PTPRS: variants seen among roughly 807,000 people sequenced by gnomAD.
PTPRS encodes protein tyrosine phosphatase receptor type S.
Under a neutral mutation model 215.3 loss-of-function variants are expected in PTPRS, and 63 were observed. The observed-to-expected ratio is 0.29, with a 90% CI of 0.24 to 0.36. The LOEUF is 0.36. Ranked by LOEUF, PTPRS falls within the 10% of genes least tolerant of loss-of-function variation. PTPRS has a pLI of 1.00. For synonymous variants in PTPRS, 1,404 were observed against 1,191.4 expected, an observed-to-expected ratio of 1.18 and a Z score of -3.68; for missense variants, 2,258 against 2,825.8, an observed-to-expected ratio of 0.80 and a Z score of 4.56.
At position 5,244,223 on chromosome 19, in the gene PTPRS, G is replaced by A. The variant is rs745862267; in HGVS notation, c.1248C>T (p.Ser416=). 6.2e-6 allele frequency: 10 copies of A among 1,610,480 alleles called. No individual in the cohort carries two copies. The highest frequency in any genetic ancestry group is 5.0e-5 in the Admixed American group (3 of 59,852). The part of the protein sequence containing the change: ...NSIGQGPPSE[S]VVTRTGEQAP... ...CCTGCTCGCCTGTGCGGGTGACCAC[G>A]GACTCGCTGGGGGGCCCCTGGCCGA... Residue 416 remains serine, a synonymous_variant, in exon 11 of 38, where the codon TCC becomes TCT. Transcript: ENST00000262963. This position sits in a 1 kb window ranked among gnomAD's most constrained non-coding sequence, Gnocchi z 7.2.
At chr19:5,309,166 G>T (rs1386215515) in intron 1 of PTPRS, among the ~76,000 whole-genome samples, 1 of 151,740 alleles carries the variant, frequency 6.6e-6, no homozygotes, top group Non-Finnish European at 1.5e-5. Flanking sequence ...GGGGGGGTTG[G>T]CTGGCTCTGG....
At chr19:5,302,552 C>T (rs1319627675) in intron 1 of PTPRS, among the ~76,000 whole-genome samples, 2 of 152,258 alleles carry the variant, frequency 1.3e-5, no homozygotes, top group Admixed American at 6.5e-5. Flanking sequence ...GATACTGTTG[C>T]GAACACCAGC....
rs182506114 is a variant in PTPRS at position 5,242,596 on chromosome 19, C to G, written c.1570+1305G>C. Among the ~76,000 whole-genome samples the G allele has an allele frequency of 3.7e-3, 552 of 148,816 alleles. 2 individuals are homozygous for G. Among genetic ancestry groups the G allele is most frequent in the Non-Finnish European group, 5.9e-3 (397 of 67,320 alleles). On this transcript the variant is annotated intron_variant, in intron 11 of 37. Coordinates refer to ENST00000262963, the MANE Select transcript of PTPRS (RefSeq NM_002850.4). ...GTTTTGTCATGTTGGCCAGGCTGTT[C>G]TCAAACTCCTGACCTCAGGTGATCC...
intron 1 of PTPRS, chr19:5,292,869 A>G (rs1426218940): frequency 6.8e-6 from 1 of 146,380 alleles, no homozygotes; most frequent in African/African-American, 2.5e-5. Context: ...TGGGGGGAGG[A>G]GGTCGGGCTG....
At chr19:5,327,307 A>G (rs2050196252) in intron 1 of PTPRS, among the ~76,000 whole-genome samples, 1 of 152,142 alleles carries the variant, frequency 6.6e-6, no homozygotes, top group South Asian at 2.1e-4. Flanking sequence ...TATCTTAGCC[A>G]GTTTGGGGCT....
chr19:5,328,737 C>G (rs1192433110), intron 1 of PTPRS, among the ~76,000 whole-genome samples: 1 of 151,992 alleles, frequency 6.6e-6, no homozygotes, highest in Non-Finnish European at 1.5e-5. Context: ...CAAGACCAGC[C>G]TGGCCAACAT....
intron 14 of PTPRS, among the ~76,000 whole-genome samples, chr19:5,230,465 T>TA (rs2042920745): frequency 6.6e-6 from 1 of 152,090 alleles, no homozygotes; most frequent in African/African-American, 2.4e-5. Context: ...GCTCAGCTAA[T>TA]ACGTTTTTGT....
chr19:5,221,266 G>T lies in PTPRS; in HGVS notation c.3202-13C>A. 6.2e-7 allele frequency: 1 copy of T among 1,605,692 alleles called. No individual in the cohort carries two copies. The highest frequency in any genetic ancestry group is 8.5e-7 in the Non-Finnish European group (1 of 1,175,002). On this transcript the variant is annotated splice_polypyrimidine_tract_variant and intron_variant, in intron 19 of 37. Coordinates refer to ENST00000262963, the MANE Select transcript of PTPRS (RefSeq NM_002850.4). ...CATTGTACTGGATCTGCGGACCAGG[G>T]CTAGCTCAGCAGGGCCTGGTGGGCT... is the stretch of plus-strand genomic sequence containing the variant.
chr19:5,249,106 T>C (rs1396954226), intron 9 of PTPRS, among the ~76,000 whole-genome samples: 1 of 151,462 alleles, frequency 6.6e-6, no homozygotes, highest in Non-Finnish European at 1.5e-5. Context: ...AGATCAAGAG[T>C]TGGAGACCAG....
chr19:5,214,285 G>A, intron 30 of PTPRS, 76 bp downstream of exon 30: 1 of 1,598,694 alleles, frequency 6.3e-7, no homozygotes, highest in Non-Finnish European at 8.5e-7. Flanking sequence ...AGCTCCCTGG[G>A]TAGAAGCTGG....
intron 11 of PTPRS, among the ~76,000 whole-genome samples, chr19:5,242,320 A>G (rs1403402978): frequency 6.6e-6 from 1 of 152,214 alleles, no homozygotes; most frequent in African/African-American, 2.4e-5. Context: ...TCTTAGCCCT[A>G]TGGGCTTGTC....
intron 2 of PTPRS, 71 bp from the exon 3 acceptor site, chr19:5,274,415 C>A (rs1052719562): frequency 1.3e-6 from 2 of 1,490,506 alleles, no homozygotes; most frequent in African/African-American, 1.4e-5. Flanking sequence ...CAAGGAGCCA[C>A]GAAAACCTGC....
At chr19:5,239,084 G>A (rs753271931) in intron 12 of PTPRS, 21 bp from the exon 13 acceptor site, 1 of 1,593,750 alleles carries the variant, frequency 6.3e-7, no homozygotes, top group Non-Finnish European at 8.6e-7. Context: ...GGCAGAGAAG[G>A]ACAGAGAGGG....
At chr19:5,248,744 C>A (rs942102333) in intron 9 of PTPRS, among the ~76,000 whole-genome samples, 1 of 152,224 alleles carries the variant, frequency 6.6e-6, no homozygotes, top group Non-Finnish European at 1.5e-5. Flanking sequence ...CCATAGTAAA[C>A]CTCTCCAGGC....
chr19:5,242,625 C>T (rs569078359), intron 11 of PTPRS, among the ~76,000 whole-genome samples: 4 of 151,540 alleles, frequency 2.6e-5, no homozygotes, highest in South Asian at 2.1e-4. Flanking sequence ...GTGATCCACC[C>T]GCCTCAGCCT....
At chr19:5,322,477 G>A (rs982446152) in intron 1 of PTPRS, among the ~76,000 whole-genome samples, 5 of 152,098 alleles carry the variant, frequency 3.3e-5, no homozygotes, top group Non-Finnish European at 5.9e-5. Flanking sequence ...AAGCAGCCGC[G>A]GGGACCGACT....
rs145958658 is a variant in PTPRS, at chr19:5,208,041, T to C, written c.5659A>G (p.Thr1887Ala). 5 of 1,612,872 alleles carry C rather than the reference T, an allele frequency of 3.1e-6. No homozygotes were observed. In the African/African-American group the frequency reaches 4.0e-5, roughly 13 times the overall value. ...ATGCTAAGCGTGATGAAGACGCCCG[T>C]CCTGCCCACGCCGGCACTGGTGGCA... is the stretch of plus-strand genomic sequence containing the variant. The part of the protein sequence containing the change: ...SVHCSAGVGR[T>A]GVFITLSIVL... Residue 1887 changes from threonine (T) to alanine (A), a missense_variant, in exon 37 of 38, where the codon ACG becomes GCG. Thr to Ala is a moderately conservative substitution (Grantham distance 58, BLOSUM62 0). Around this residue, in one of 6 missense-constraint regions of PTPRS, gnomAD observed 89 missense variants for 104.0 expected, o/e 0.86. Transcript: ENST00000262963.
chr19:5,278,183 C>CAAA (rs397951131), intron 2 of PTPRS: 57 of 126,980 alleles, frequency 4.5e-4, no homozygotes, highest in Middle Eastern at 8.0e-3. Flanking sequence ...TAGAAACTGC[C>CAAA]AAAAAAAAAA....
intron 11 of PTPRS, among the ~76,000 whole-genome samples, chr19:5,241,224 G>A (rs558511434): frequency 4.6e-5 from 7 of 151,914 alleles, no homozygotes; most frequent in South Asian, 2.1e-4. Context: ...CAGTGCCCTC[G>A]CTGGCTGCGA....
Sources: allele counts gnomAD v4.1 joint callset (sites outside exome capture counted in the v4.1 genomes callset), GRCh38; gene constraint gnomAD v4.1.1; regional missense constraint gnomAD v4.1.1; non-coding constraint Gnocchi (gnomAD v3.1); transcripts MANE v1.5; gene names NCBI Gene and HGNC (gene_info 2026-07-23, HGNC 2026-07-21).